The following DNAH1 variants were observed in gnomAD, a reference collection of about 807,000 sequenced individuals.
The protein encoded by DNAH1 is axonemal beta dynein heavy chain 1.
Under a neutral mutation model 484.3 loss-of-function variants are expected in DNAH1, and 327 were observed. The ratio of observed to expected loss-of-function variants is 0.68; its 90% CI spans 0.62 to 0.74. The LOEUF (loss-of-function observed/expected upper bound fraction) is 0.74. DNAH1 is among the 30% of genes least tolerant of loss of function. The probability of loss-of-function intolerance (pLI) is 0.00; values close to 1 mark genes in which losing one functional copy is unlikely to be tolerated. For missense variants in DNAH1, 5,052 were observed against 5,546.8 expected, an observed-to-expected ratio of 0.91 and a Z score of 2.83; for synonymous variants, 2,192 against 2,191.9, an observed-to-expected ratio of 1.00 and a Z score of 0.00.
chr3:52,335,352 T>C (rs1371373746), intron 8 of DNAH1, among the ~76,000 whole-genome samples: 1 of 141,562 alleles, frequency 7.1e-6, no homozygotes, highest in Non-Finnish European at 1.5e-5. Context: ...ATAAGCTTTT[T>C]AAAAAAATGT....
At position 52,396,975 on chromosome 3, in the gene DNAH1, G is replaced by A. The variant is rs2302409; in HGVS notation, c.11718G>A (p.Val3906=). ...TGGAGGACTTCTACAACCCTGACGT[G>A]CTCTCCCCTGAGCACAGCTACAGCG... ...NILEDFYNPD[V]LSPEHSYSAS... Residue 3906 remains valine (V), a synonymous_variant, in exon 73 of 78, where the codon GTG becomes GTA. Transcript: ENST00000420323. 1.1e-3 allele frequency: 1,847 copies of A among 1,612,998 alleles called. 50 individuals are homozygous for A. The East Asian group carries it at 0.038, about 33-fold the overall frequency.
At chr3:52,350,634 T>G in intron 16 of DNAH1, 44 bp downstream of exon 16, 1 of 1,573,034 alleles carries the variant, frequency 6.4e-7, no homozygotes, top group Non-Finnish European at 8.7e-7. Flanking sequence ...GGGTGGAGCA[T>G]GAGGGGAGCT....
intron 22 of DNAH1, 37 bp downstream of exon 22, chr3:52,356,815 C>T: frequency 6.4e-7 from 1 of 1,563,810 alleles, no homozygotes; most frequent in Non-Finnish European, 8.7e-7. Context: ...AGCTGGGATC[C>T]CCAAGGGCCC....
rs201358938 is a variant in DNAH1, at chr3:52,349,296, T to G, written c.2402T>G (p.Ile801Ser). Reference sequence around the variant, plus strand: ...CTGGACAGCTCGCTGCCCAGCAGCATCATCATTGGGCCTTTCTACATCAAC... The same window carrying G: ...CTGGACAGCTCGCTGCCCAGCAGCAGCATCATTGGGCCTTTCTACATCAAC... ...EILDSSLPSS[I>S]IIGPFYINTD... The change falls in exon 14 of 78, where the codon ATC becomes AGC. Residue 801 changes from isoleucine (I) to serine (S), a missense_variant. This residue lies in a region of DNAH1 where 1,263 missense variants were observed against 1,218.8 expected (regional missense o/e 1.04). Coordinates refer to ENST00000420323, the MANE Select transcript of DNAH1 (RefSeq NM_015512.5). 1.2e-5 allele frequency: 20 copies of G among 1,613,848 alleles called. No homozygotes were observed. Among genetic ancestry groups the G allele is most frequent in the East Asian group, 2.2e-5 (1 of 44,884 alleles).
chr3:52,375,055 A>AC (rs1297728284), intron 44 of DNAH1, among the ~76,000 whole-genome samples, 185 bp from the exon 45 acceptor site: 9 of 149,308 alleles, frequency 6.0e-5, no homozygotes, highest in East Asian at 4.0e-4. Context: ...AAAAAAAAAA[A>AC]GTTAAAGGAG....
In DNAH1 at chr3:52,368,933, C is replaced by G. The variant is rs1703201794; in HGVS notation, c.5943+15C>G. ...AGCTCACAGAGGTGCACCTACCTGTCCACCTGCCCACTCTCCTCCAAGGCT... is the reference window on the plus strand; with the variant it reads ...AGCTCACAGAGGTGCACCTACCTGTGCACCTGCCCACTCTCCTCCAAGGCT... On this transcript the variant is annotated intron_variant, in intron 37 of 77. Coordinates refer to ENST00000420323, the MANE Select transcript of DNAH1 (RefSeq NM_015512.5). This position sits in a 1 kb window ranked among gnomAD's most constrained non-coding sequence, Gnocchi z 4.4. The G allele has an allele frequency of 6.2e-7, 1 of 1,607,436 alleles. No individual in the cohort carries two copies. The highest frequency in any genetic ancestry group is 1.7e-4 in the Middle Eastern group (1 of 6,046).
intron 8 of DNAH1, among the ~76,000 whole-genome samples, chr3:52,332,861 G>A (rs1701605851): frequency 6.6e-6 from 1 of 152,062 alleles, no homozygotes; most frequent in Non-Finnish European, 1.5e-5. Context: ...TTTCTCCAAG[G>A]AAGCTCTTTT....
At chr3:52,320,924 C>T (rs558063760) in intron 1 of DNAH1, among the ~76,000 whole-genome samples, 13 of 151,326 alleles carry the variant, frequency 8.6e-5, no homozygotes, top group Admixed American at 3.3e-4. Context: ...CCTCAGCCTC[C>T]GGAGTAGCTA....
rs970531062 is a variant in DNAH1 at position 52,350,442 on chromosome 3, C to G, written c.2647-66C>G. ...CTCTCTAGTACCCGTCTCTGGGGAG[C>G]CAGGTTCCGATTACCCACCACCTCC... On this transcript the variant is annotated intron_variant, in intron 15 of 77. Transcript: ENST00000420323. The G allele has an allele frequency of 4.8e-6, 7 of 1,462,828 alleles. No homozygotes were observed. The African/African-American group carries it at 5.6e-5, about 12-fold the overall frequency. 90.6% of individuals were successfully genotyped at this position (1,462,828 alleles called of 1,614,324 possible). A position where few individuals can be genotyped will look rare whatever the true frequency, so the allele number is the denominator to read the frequency against.
chr3:52,372,481 G>A, intron 43 of DNAH1, 94 bp downstream of exon 43: 1 of 1,523,966 alleles, frequency 6.6e-7, no homozygotes, highest in South Asian at 1.2e-5. Context: ...ATGCTCCTGG[G>A]TTTGCCAGGA....
chr3:52,390,880 A>C, intron 60 of DNAH1, 55 bp from the exon 61 acceptor site: 1 of 1,548,680 alleles, frequency 6.5e-7, no homozygotes, highest in Non-Finnish European at 8.7e-7. Flanking sequence ...TGATGCCCTC[A>C]GTGACCCTGC....
In DNAH1 at chr3:52,353,846, T is replaced by G; in HGVS notation, c.3480+213T>G. The G allele has an allele frequency of 1.5e-6, 1 of 670,520 alleles. No homozygotes were observed. The highest frequency in any genetic ancestry group is 2.4e-6 in the Non-Finnish European group (1 of 408,840). 41.5% of individuals were successfully genotyped at this position (670,520 alleles called of 1,614,324 possible). On this transcript the variant is annotated intron_variant, in intron 20 of 77. Coordinates refer to ENST00000420323, the MANE Select transcript of DNAH1 (RefSeq NM_015512.5). The surrounding 1 kb of genome is among the most constrained non-coding windows in gnomAD (Gnocchi z 5.0). ...GTCCACCATTGCTATTATTTTTCAG[T>G]TACTCCTCTCAAGAGCCCCAGGAAG...
rs751491224 is a variant in DNAH1, at chr3:52,372,399, C to T, written c.6827+12C>T. 8 of 1,612,594 alleles carry T rather than the reference C, an allele frequency of 5.0e-6. No individual in the cohort carries two copies. The highest frequency in any genetic ancestry group is 6.8e-6 in the Non-Finnish European group (8 of 1,179,834). On this transcript the variant is annotated intron_variant, in intron 43 of 77. Coordinates refer to ENST00000420323, the MANE Select transcript of DNAH1 (RefSeq NM_015512.5). ...AAGCTGGACAAGAGGCAGGGCACCC[C>T]TCCCTCCTTCCTCACCCCTGCATCC...
chr3:52,374,578 TC>T, intron 44 of DNAH1: 1 of 1,504,296 alleles, frequency 6.6e-7, no homozygotes, highest in Non-Finnish European at 9.3e-7. Flanking sequence ...AGCCCACACT[TC>T]CAGGTGGCAG....
rs968870442 is a variant in DNAH1, at chr3:52,395,385, C to T, written c.11046C>T (p.Asp3682=). ...TCTTTGTGCTGTCACCCGGCACAGA[C>T]CCTGCTGCCGACCTCTACAAGTTTG... ...PLIFVLSPGT[D]PAADLYKFAE... The change falls in exon 69 of 78, where the codon GAC becomes GAT. Residue 3682 remains aspartate (D), a synonymous_variant. Coordinates refer to ENST00000420323, the MANE Select transcript of DNAH1 (RefSeq NM_015512.5). The surrounding 1 kb of genome is among the most constrained non-coding windows in gnomAD (Gnocchi z 4.4). 6.2e-7 allele frequency: 1 copy of T among 1,613,906 alleles called. No homozygotes were observed. Among genetic ancestry groups the T allele is most frequent in the Non-Finnish European group, 8.5e-7 (1 of 1,179,888 alleles).
intron 75 of DNAH1, 83 bp from the exon 76 acceptor site, chr3:52,398,767 A>G: frequency 4.1e-6 from 5 of 1,233,980 alleles, no homozygotes; most frequent in Non-Finnish European, 5.5e-6. Flanking sequence ...ATTGTTTTTC[A>G]CTCTGTGGCC....
chr3:52,318,286 G>T (rs931780431), intron 1 of DNAH1, among the ~76,000 whole-genome samples: 2 of 152,218 alleles, frequency 1.3e-5, no homozygotes, highest in Non-Finnish European at 2.9e-5. Flanking sequence ...CTGACCTCGG[G>T]TGATCCGCCC....
intron 3 of DNAH1, 140 bp downstream of exon 3, chr3:52,324,020 C>A: frequency 1.5e-6 from 1 of 647,446 alleles, no homozygotes; most frequent in South Asian, 2.0e-5. Context: ...AAACAGGGTG[C>A]TTCACAATTA....
intron 64 of DNAH1, 31 bp from the exon 65 acceptor site, chr3:52,392,799 T>TGTGGGGGGGGGGGGGGGGGGGG: frequency 2.4e-6 from 3 of 1,274,372 alleles, no homozygotes; most frequent in Non-Finnish European, 3.2e-6. Context: ...TTCTGCTCTT[T>TGTGGGGGGGGGGGGGGGGGGGG]GACCCCTCCC....
Sources: allele counts gnomAD v4.1 joint callset (sites outside exome capture counted in the v4.1 genomes callset), GRCh38; gene constraint gnomAD v4.1.1; regional missense constraint gnomAD v4.1.1; non-coding constraint Gnocchi (gnomAD v3.1); transcripts MANE v1.5; gene names NCBI Gene and HGNC (gene_info 2026-07-23, HGNC 2026-07-21).